The following PRIM2 variants were observed in gnomAD, a reference collection of about 807,000 sequenced individuals.
The protein encoded by PRIM2 is DNA primase subunit 2.
Under a neutral mutation model 67.3 loss-of-function variants are expected in PRIM2, and 39 were observed. The observed-to-expected ratio is 0.58, with a 90% CI of 0.45 to 0.76. The LOEUF (loss-of-function observed/expected upper bound fraction) is 0.76, where lower values mean the gene tolerates loss of function less well. Among genes scored for constraint, PRIM2 ranks in the 30% least tolerant of loss-of-function variants. The pLI is 0.00. For missense variants in PRIM2, 398 were observed against 598.7 expected (o/e 0.66, Z 3.50); for synonymous variants, 143 against 198.7 (o/e 0.72, Z 2.36).
intron 10 of PRIM2, among the ~76,000 whole-genome samples, chr6:57,580,434 G>A (rs1254605368): frequency 6.6e-6 from 1 of 152,112 alleles, no homozygotes; most frequent in Non-Finnish European, 1.5e-5. Context: ...TTTCATATGG[G>A]TTTTGTATGA....
intron 10 of PRIM2, among the ~76,000 whole-genome samples, chr6:57,578,901 C>T (rs1776021621): frequency 1.3e-5 from 2 of 151,854 alleles, no homozygotes; most frequent in East Asian, 1.9e-4. Flanking sequence ...TGGTCTCGAT[C>T]TCCTGACCTC....
At chr6:57,472,440 C>T (rs1359470598) in intron 7 of PRIM2, among the ~76,000 whole-genome samples, 7 of 150,772 alleles carry the variant, frequency 4.6e-5, no homozygotes, top group African/African-American at 7.3e-5. Flanking sequence ...TTTGTCAAAA[C>T]GGGCAAACTG....
the PRIM2 span, among the ~76,000 whole-genome samples, chr6:57,272,715 C>G: frequency 6.6e-6 from 1 of 152,172 alleles, no homozygotes; most frequent in Non-Finnish European, 1.5e-5. Context: ...CAGTTTCTTC[C>G]TAGCCTTGGG....
At chr6:57,488,902 T>G (rs1314193957) in intron 7 of PRIM2, among the ~76,000 whole-genome samples, 1 of 152,140 alleles carries the variant, frequency 6.6e-6, no homozygotes, top group African/African-American at 2.4e-5. Context: ...GATATAGCAG[T>G]GAGGTTGGCC....
At chr6:57,528,155 TG>T (rs1774803347) in intron 8 of PRIM2, among the ~76,000 whole-genome samples, 1 of 150,540 alleles carries the variant, frequency 6.6e-6, no homozygotes, top group Non-Finnish European at 1.5e-5. Flanking sequence ...TTTATAGCGA[TG>T]ATGTCTTGCT....
At chr6:57,575,179 A>G (rs1401426369) in intron 10 of PRIM2, among the ~76,000 whole-genome samples, 1 of 152,186 alleles carries the variant, frequency 6.6e-6, no homozygotes, top group Non-Finnish European at 1.5e-5. Context: ...CCTGCCTTAT[A>G]GATAGAAATC....
chr6:57,310,306 G>A (rs1322953619), upstream of PRIM2, among the ~76,000 whole-genome samples: 2 of 152,154 alleles, frequency 1.3e-5, no homozygotes, highest in African/African-American at 2.4e-5. Flanking sequence ...ATCTTGCACC[G>A]CCCTTAATCC....
At chr6:57,490,560 G>A (rs1482212397) in intron 7 of PRIM2, among the ~76,000 whole-genome samples, 7 of 152,190 alleles carry the variant, frequency 4.6e-5, no homozygotes, top group African/African-American at 1.7e-4. Flanking sequence ...CATAATAAAT[G>A]TATTCAGCAA....
At chr6:57,344,557 A>C (rs1328999986) in intron 5 of PRIM2, among the ~76,000 whole-genome samples, 2 of 152,190 alleles carry the variant, frequency 1.3e-5, no homozygotes, top group Non-Finnish European at 2.9e-5. Flanking sequence ...TTCCTTTTTA[A>C]AAGTAAACAC....
At chr6:57,641,478 G>A (rs1777232744) in intron 13 of PRIM2, among the ~76,000 whole-genome samples, 2 of 152,108 alleles carry the variant, frequency 1.3e-5, no homozygotes, top group Admixed American at 1.3e-4. Context: ...GAAAATTTTT[G>A]CAATCTATCC....
chr6:57,431,864 T>A lies in PRIM2; in HGVS notation c.693+49696T>A, dbSNP rs559695610. On this transcript the variant is annotated intron_variant, in intron 7 of 13. Coordinates refer to ENST00000615550, the MANE Select transcript of PRIM2 (RefSeq NM_000947.5). ...TAACATTGTTTCATTCTTATGAGATTCCTGTGTATGTGTGTGTATGTTTTA... is the reference window on the plus strand; with the variant it reads ...TAACATTGTTTCATTCTTATGAGATACCTGTGTATGTGTGTGTATGTTTTA... Among the ~76,000 whole-genome samples the A allele has an allele frequency of 2.0e-5, 3 of 152,292 alleles. No homozygotes were observed. The East Asian group carries it at 5.8e-4, about 29-fold the overall frequency.
At chr6:57,454,997 A>G (rs200891528) in intron 7 of PRIM2, among the ~76,000 whole-genome samples, 102,168 of 151,748 alleles carry the variant, frequency 0.67, 34,397 homozygotes, top group South Asian at 0.74. Flanking sequence ...CTTTGTTCTC[A>G]TTGGTTTCAA....
chr6:57,425,260 G>C (rs76683240), intron 7 of PRIM2, among the ~76,000 whole-genome samples: 76 of 152,040 alleles, frequency 5.0e-4, no homozygotes, highest in African/African-American at 1.8e-3. Context: ...ATTTTTGAGA[G>C]GGAGTCTCGC....
At chr6:57,392,698 A>G (rs998266047) in intron 7 of PRIM2, among the ~76,000 whole-genome samples, 1 of 151,736 alleles carries the variant, frequency 6.6e-6, no homozygotes, top group Admixed American at 6.6e-5. Flanking sequence ...TTTTTCCATA[A>G]GTTATTGGGG....
chr6:57,292,729 G>A, the PRIM2 span, among the ~76,000 whole-genome samples: 4 of 152,124 alleles, frequency 2.6e-5, no homozygotes, highest in Non-Finnish European at 4.4e-5. Flanking sequence ...ACAAAAACAA[G>A]CAATGGGGAA....
At chr6:57,604,902 G>A (rs1364690599) in intron 11 of PRIM2, among the ~76,000 whole-genome samples, 1 of 152,118 alleles carries the variant, frequency 6.6e-6, no homozygotes, top group African/African-American at 2.4e-5. Context: ...GTGTTAGCCA[G>A]GATGATCTTG....
Position 57,441,577 on chromosome 6 carries a change from T to C in PRIM2, c.693+59409T>C, listed in dbSNP as rs556929539. On this transcript the variant is annotated intron_variant, in intron 7 of 13. Coordinates refer to ENST00000615550, the MANE Select transcript of PRIM2 (RefSeq NM_000947.5). The stretch of plus-strand genomic sequence containing the variant: ...ATGGTTTCTGCTTTTACAAGTGTTA[T>C]ATGGTATTTTCAAAAAGGCAAAATC... 3.3e-5 allele frequency among the ~76,000 whole-genome samples: 5 copies of C among 152,300 alleles called. No homozygotes were observed. In the East Asian group the frequency reaches 9.6e-4, roughly 29 times the overall value.
chr6:57,392,695 A>G lies in PRIM2; in HGVS notation c.693+10527A>G, dbSNP rs559597297. Among the ~76,000 whole-genome samples, 35 of 151,522 alleles carry G rather than the reference A, an allele frequency of 2.3e-4. No homozygotes were observed. The East Asian group carries it at 6.4e-3, about 28-fold the overall frequency. ...TATTTTTATTATTTTTAATTTTTCC[A>G]TAAGTTATTGGGGTACGGGTGGTAT... On this transcript the variant is annotated intron_variant, in intron 7 of 13. Coordinates refer to ENST00000615550, the MANE Select transcript of PRIM2 (RefSeq NM_000947.5).
Position 57,325,984 on chromosome 6 carries a change from G to T in PRIM2, c.398G>T (p.Ser133Ile). 7 of 1,612,576 alleles carry T rather than the reference G, an allele frequency of 4.3e-6. No individual in the cohort carries two copies. The highest frequency in any genetic ancestry group is 5.9e-6 in the Non-Finnish European group (7 of 1,179,564). The change falls in exon 5 of 14, where the codon AGT (serine) becomes ATT (isoleucine). Residue 133 changes from serine to isoleucine, a missense_variant. Around this residue, in one of 4 missense-constraint regions of PRIM2, gnomAD observed 229 missense variants for 383.6 expected, o/e 0.60. Transcript: ENST00000615550. ...ATGGATCTCCTTCGATTTAGATTTAGTATTTTACCCAAGGATAAAATTCAG... is the reference window on the plus strand; with the variant it reads ...ATGGATCTCCTTCGATTTAGATTTATTATTTTACCCAAGGATAAAATTCAG... ...QEMDLLRFRFSILPKDKIQDF... is the reference protein window; with the variant it reads ...QEMDLLRFRFIILPKDKIQDF...
Sources: gnomAD v4.1 joint callset for allele counts (sites outside exome capture counted in the v4.1 genomes callset) on GRCh38, gnomAD v4.1.1 for gene constraint, gnomAD v4.1.1 regional missense constraint, MANE v1.5 for transcripts, NCBI Gene and HGNC (gene_info 2026-07-23, HGNC 2026-07-21) for gene names.